Variants in GYS2 observed in about 807,000 individuals in gnomAD.
GYS2 encodes glycogen [starch] synthase, liver.
In GYS2, 80 loss-of-function variants were observed where a neutral mutation model predicts 85.6. That is an observed-to-expected ratio of 0.93 (90% CI 0.78 to 1.13). The LOEUF (loss-of-function observed/expected upper bound fraction) is 1.13, where lower values mean the gene tolerates loss of function less well. Ranked by LOEUF, GYS2 falls within the 50% of genes most tolerant of loss-of-function variation. The probability of loss-of-function intolerance (pLI) is 0.00; values close to 1 mark genes in which losing one functional copy is unlikely to be tolerated. For missense variants in GYS2, 881 were observed against 854.9 expected, an observed-to-expected ratio of 1.03 and a Z score of -0.38; for synonymous variants, 328 against 300.7, an observed-to-expected ratio of 1.09 and a Z score of -0.94.
At chr12:21,540,607 G>A (rs1251594701) in intron 13 of GYS2, 34 bp from the exon 14 acceptor site, 2 of 1,586,206 alleles carry the variant, frequency 1.3e-6, no homozygotes, top group South Asian at 1.1e-5. Flanking sequence ...ACAAGTAAAA[G>A]TAGGACTAAC....
chr12:21,599,478 C>A (rs1944731315), intron 1 of GYS2, among the ~76,000 whole-genome samples: 1 of 152,166 alleles, frequency 6.6e-6, no homozygotes, highest in African/African-American at 2.4e-5. Flanking sequence ...GCACTACCTA[C>A]AATGGCAGCT....
At chr12:21,593,908 T>C (rs1944667202) in intron 1 of GYS2, among the ~76,000 whole-genome samples, 1 of 152,004 alleles carries the variant, frequency 6.6e-6, no homozygotes, top group Non-Finnish European at 1.5e-5. Flanking sequence ...CAAAAGATAA[T>C]ACACCATGAT....
At chr12:21,535,423 A>G (rs1407839479), downstream of GYS2, among the ~76,000 whole-genome samples, 1 of 152,206 alleles carries the variant, frequency 6.6e-6, no homozygotes, top group Admixed American at 6.5e-5. Context: ...ACTCTCCAGT[A>G]CAGAGCATTT....
chr12:21,544,776 C>T (rs1276198225), intron 12 of GYS2, among the ~76,000 whole-genome samples: 1 of 152,158 alleles, frequency 6.6e-6, no homozygotes, highest in Non-Finnish European at 1.5e-5. Context: ...TGTCATGTTT[C>T]AAGACAATCC....
rs1167544740 is a variant in GYS2, at chr12:21,539,244, C to A, written c.1890+14G>T. 1 of 1,429,820 alleles carries A rather than the reference C, an allele frequency of 7.0e-7. No individual in the cohort carries two copies. 88.6% of individuals were successfully genotyped at this position (1,429,820 alleles called of 1,614,324 possible). A position where few individuals can be genotyped will look rare whatever the true frequency, so the allele number is the denominator to read the frequency against. ...GAAATATAGCTTTCAAAAAAAAATA[C>A]ATTGAATATTTACCGTTGGTGGTGA... On this transcript the variant is annotated intron_variant, in intron 15 of 15. Coordinates refer to ENST00000261195, the MANE Select transcript of GYS2 (RefSeq NM_021957.4).
intron 11 of GYS2, among the ~76,000 whole-genome samples, chr12:21,553,429 C>T (rs2136863938): frequency 6.6e-6 from 1 of 152,310 alleles, no homozygotes. Context: ...GAGATCTTAG[C>T]CCCAGGAATC....
In GYS2 at chr12:21,604,790, CTCTTTCTCG is replaced by C; in HGVS notation, c.-207_-199del. Reference sequence around the variant, plus strand: ...CTGGTGGAAGGAGGAATTCTTCCTCCTCTTTCTCGTCTTTCTGGGCAGGTATTGTGAGGA... The same window carrying C: ...CTGGTGGAAGGAGGAATTCTTCCTCCTCTTTCTGGGCAGGTATTGTGAGGA... On this transcript the variant is annotated 5_prime_UTR_variant, in exon 1 of 16. Transcript: ENST00000261195. 7.3e-7 allele frequency: 1 copy of C among 1,368,174 alleles called. No individual in the cohort carries two copies. The highest frequency in any genetic ancestry group is 1.5e-5 in the South Asian group (1 of 67,708). 84.8% of individuals were successfully genotyped at this position (1,368,174 alleles called of 1,614,324 possible). A position where few individuals can be genotyped will look rare whatever the true frequency, so the allele number is the denominator to read the frequency against.
chr12:21,604,762 T>C lies in GYS2; in HGVS notation c.-170A>G. Reference sequence around the variant, plus strand: ...GAAATCTTATGTGCTTCCCACAGAATTCCTGGTGGAAGGAGGAATTCTTCC... The same window carrying C: ...GAAATCTTATGTGCTTCCCACAGAACTCCTGGTGGAAGGAGGAATTCTTCC... On this transcript the variant is annotated 5_prime_UTR_variant, in exon 1 of 16. Transcript: ENST00000261195. 3 of 1,421,830 alleles carry C rather than the reference T, an allele frequency of 2.1e-6. No individual in the cohort carries two copies. In the South Asian group the frequency reaches 4.2e-5, roughly 20 times the overall value. 88.1% of individuals were successfully genotyped at this position (1,421,830 alleles called of 1,614,324 possible).
Position 21,536,905 on chromosome 12 carries a change from G to A in GYS2, c.*49C>T, listed in dbSNP as rs113707924. On this transcript the variant is annotated 3_prime_UTR_variant, in exon 16 of 16. Transcript: ENST00000261195. ...GTGGCATTTTTATTTTAAATAATTA[G>A]TCTTACTTTGCTTTTTTAAATTAGC... is the stretch of plus-strand genomic sequence containing the variant. 9.7e-6 allele frequency: 12 copies of A among 1,241,022 alleles called. No homozygotes were observed. The East Asian group carries it at 2.3e-4, about 24-fold the overall frequency. 76.9% of individuals were successfully genotyped at this position (1,241,022 alleles called of 1,614,324 possible).
At chr12:21,565,485 T>C (rs1944308484) in intron 5 of GYS2, among the ~76,000 whole-genome samples, 2 of 146,300 alleles carry the variant, frequency 1.4e-5, no homozygotes, top group African/African-American at 5.0e-5. Context: ...TATTTGTATG[T>C]AATGGTGCGC....
intron 5 of GYS2, among the ~76,000 whole-genome samples, chr12:21,564,801 C>T (rs1027611873): frequency 2.6e-5 from 4 of 152,118 alleles, no homozygotes; most frequent in African/African-American, 9.7e-5. Flanking sequence ...TTAAAAATCC[C>T]TATGAGGTAA....
At chr12:21,562,698 C>CAA (rs60049724) in intron 7 of GYS2, among the ~76,000 whole-genome samples, 186 of 98,192 alleles carry the variant, frequency 1.9e-3, no homozygotes, top group African/African-American at 4.1e-3. Context: ...TAAGATTCTC[C>CAA]AAAAAAAAAA....
chr12:21,541,767 T>C (rs1943978882), intron 13 of GYS2, among the ~76,000 whole-genome samples: 1 of 152,148 alleles, frequency 6.6e-6, no homozygotes, highest in Non-Finnish European at 1.5e-5. Flanking sequence ...GTACATTTCA[T>C]ACTGCTGAGG....
intron 11 of GYS2, among the ~76,000 whole-genome samples, chr12:21,555,822 A>G (rs1031980116): frequency 6.6e-6 from 1 of 152,148 alleles, no homozygotes; most frequent in Non-Finnish European, 1.5e-5. Flanking sequence ...TTCCCTGGCA[A>G]TACTCATTTT....
At chr12:21,556,253 C>T (rs1053883519) in intron 11 of GYS2, among the ~76,000 whole-genome samples, 10 of 152,070 alleles carry the variant, frequency 6.6e-5, no homozygotes, top group Non-Finnish European at 1.3e-4. Flanking sequence ...ATCGCAGCCT[C>T]TACCTCCAGG....
At position 21,568,965 on chromosome 12, in the gene GYS2, C is replaced by G; in HGVS notation, c.723G>C (p.Arg241=). 3 of 1,613,802 alleles carry G rather than the reference C, an allele frequency of 1.9e-6. No homozygotes were observed. The highest frequency in any genetic ancestry group is 2.5e-6 in the Non-Finnish European group (3 of 1,179,694). ...GAACGGAAGCTCGCTCCATGCAGTA[C>G]CGGTGGTAAATCTGCCTTTCCCCAG... ...KEAGERQIYH[R]YCMERASVHC... is the part of the protein sequence containing the mutation. The change falls in exon 5 of 16, where the codon CGG becomes CGC. Residue 241 remains arginine, a synonymous_variant. Transcript: ENST00000261195.
chr12:21,572,441 A>G (rs539868157), intron 4 of GYS2, among the ~76,000 whole-genome samples: 1 of 152,230 alleles, frequency 6.6e-6, no homozygotes, highest in African/African-American at 2.4e-5. Context: ...AAAACCTTTC[A>G]TGTATATAAT....
intron 4 of GYS2, 43 bp from the exon 5 acceptor site, chr12:21,569,052 C>T (rs778266689): frequency 3.1e-6 from 5 of 1,601,788 alleles, no homozygotes; most frequent in Non-Finnish European, 4.3e-6. Flanking sequence ...TAACAATGGC[C>T]CTTCTACACA....
chr12:21,574,504 A>T (rs541344565), intron 3 of GYS2, among the ~76,000 whole-genome samples, 178 bp from the exon 4 acceptor site: 1 of 152,152 alleles, frequency 6.6e-6, no homozygotes, highest in East Asian at 1.9e-4. Context: ...ATGTTCATTA[A>T]CCCCATATAT....
Sources: gnomAD v4.1 joint callset for allele counts (sites outside exome capture counted in the v4.1 genomes callset) on GRCh38, gnomAD v4.1.1 for gene constraint, MANE v1.5 for transcripts, NCBI Gene and HGNC (gene_info 2026-07-23, HGNC 2026-07-21) for gene names.